MBLAC2: variants seen among roughly 807,000 people sequenced by gnomAD.
MBLAC2 encodes acyl-coenzyme A thioesterase MBLAC2.
MBLAC2 carries 24 observed loss-of-function variants against 23.3 expected under a neutral mutation model. That is an observed-to-expected ratio of 1.03 (90% CI 0.75 to 1.45). MBLAC2 has a LOEUF of 1.45. MBLAC2 is among the 40% of genes most tolerant of loss of function. MBLAC2 has a pLI of 0.00. For synonymous variants in MBLAC2, 162 were observed against 150.9 expected (o/e 1.07, Z -0.54); for missense variants, 358 against 370.0 (o/e 0.97, Z 0.27).
rs373507317 is a variant in MBLAC2 at position 90,474,069 on chromosome 5, C to T, written c.224G>A (p.Arg75Gln). 1.3e-6 allele frequency: 2 copies of T among 1,576,338 alleles called. No homozygotes were observed. The highest frequency in any genetic ancestry group is 1.7e-6 in the Non-Finnish European group (2 of 1,161,502). ...DREAKEDAAR[R>Q]PLLAVATHVH... ...GTGGGTGGCCACGGCAAGCAGTGGC[C>T]GGCGCGCCGCGTCCTCTTTGGCCTC... The change falls in exon 1 of 2, where the codon CGG (arginine) becomes CAG (glutamine). Residue 75 changes from arginine (R) to glutamine (Q), a missense_variant. Arg to Gln is a conservative substitution (Grantham distance 43, BLOSUM62 1). Coordinates refer to ENST00000316610, the MANE Select transcript of MBLAC2 (RefSeq NM_203406.2).
At chr5:90,467,297 T>C (rs1050291535) in intron 1 of MBLAC2, among the ~76,000 whole-genome samples, 1 of 152,216 alleles carries the variant, frequency 6.6e-6, no homozygotes, top group Non-Finnish European at 1.5e-5. Context: ...AGTCCCCCAG[T>C]ATTATTGTGT....
chr5:90,461,499 G>A lies in MBLAC2; in HGVS notation c.508C>T (p.His170Tyr). 6.2e-7 allele frequency: 1 copy of A among 1,613,962 alleles called. No homozygotes were observed. The highest frequency in any genetic ancestry group is 1.1e-5 in the South Asian group (1 of 91,030). Residue 170 changes from histidine to tyrosine, a missense_variant, in exon 2 of 2, where the codon CAC becomes TAC. Transcript: ENST00000316610. The stretch of plus-strand genomic sequence containing the variant: ...TGTAAGCAAATACTGCCCCTGGAGT[G>A]ACCTGGCATGTGCATAACAGTGAGC... The part of the protein sequence containing the change: ...RQLTVMHMPG[H>Y]SRGSICLHDK...
chr5:90,469,055 C>G (rs1330247547), intron 1 of MBLAC2, among the ~76,000 whole-genome samples: 2 of 152,016 alleles, frequency 1.3e-5, no homozygotes, highest in Non-Finnish European at 2.9e-5. Context: ...AACCCAAACC[C>G]AGGAGAAAAA....
rs1465046969 is a variant in MBLAC2 at position 90,474,419 on chromosome 5, G to C, written c.-127C>G. The C allele has an allele frequency of 3.5e-6, 3 of 848,940 alleles. No homozygotes were observed. The Admixed American group carries it at 7.8e-5, about 22-fold the overall frequency. 52.6% of individuals were successfully genotyped at this position (848,940 alleles called of 1,614,324 possible). On this transcript the variant is annotated 5_prime_UTR_variant, in exon 1 of 2. Transcript: ENST00000316610. ...CAGCCAGGGAGGAGGCGTAGAGCGA[G>C]GCGGGGGCGTGGGATGCGGGGGTCG... is the stretch of plus-strand genomic sequence containing the variant.
chr5:90,462,051 G>T (rs1474932581), intron 1 of MBLAC2, among the ~76,000 whole-genome samples: 2 of 152,112 alleles, frequency 1.3e-5, no homozygotes, highest in Admixed American at 1.3e-4. Context: ...GAATTTTATT[G>T]TATTTTGCCT....
At position 90,458,644 on chromosome 5, in the gene MBLAC2, A is replaced by T. The variant is rs985432418; in HGVS notation, c.*2523T>A. On this transcript the variant is annotated 3_prime_UTR_variant, in exon 2 of 2. Coordinates refer to ENST00000316610, the MANE Select transcript of MBLAC2 (RefSeq NM_203406.2). ...ACACGGCATCTTGGAAAGTAAAAAT[A>T]CATCTTGCCAATTTTCTGCTATTGT... 2.0e-5 allele frequency: 3 copies of T among 152,194 alleles called. No individual in the cohort carries two copies. Among genetic ancestry groups the T allele is most frequent in the African/African-American group, 7.2e-5 (3 of 41,464 alleles). 9.4% of individuals were successfully genotyped at this position (152,194 alleles called of 1,614,324 possible).
At chr5:90,467,421 T>G (rs1440078696) in intron 1 of MBLAC2, among the ~76,000 whole-genome samples, 1 of 152,206 alleles carries the variant, frequency 6.6e-6, no homozygotes, top group Non-Finnish European at 1.5e-5. Flanking sequence ...GACTAGTCCT[T>G]TTATCACTAT....
Position 90,474,064 on chromosome 5 carries a change from G to C in MBLAC2, c.229C>G (p.Leu77Val), listed in dbSNP as rs529955899. 4 of 1,580,452 alleles carry C rather than the reference G, an allele frequency of 2.5e-6. No homozygotes were observed. Among genetic ancestry groups the C allele is most frequent in the Non-Finnish European group, 3.4e-6 (4 of 1,163,912 alleles). The change falls in exon 1 of 2, where the codon CTG becomes GTG. Residue 77 changes from leucine (L) to valine (V), a missense_variant. Physicochemically the swap from Leu to Val is conservative, Grantham distance 32. Coordinates refer to ENST00000316610, the MANE Select transcript of MBLAC2 (RefSeq NM_203406.2). The stretch of plus-strand genomic sequence containing the variant: ...TGCACGTGGGTGGCCACGGCAAGCA[G>C]TGGCCGGCGCGCCGCGTCCTCTTTG... The part of the protein sequence containing the change: ...EAKEDAARRP[L>V]LAVATHVHFD...
At chr5:90,470,955 A>G (rs1344714353) in intron 1 of MBLAC2, among the ~76,000 whole-genome samples, 2 of 152,164 alleles carry the variant, frequency 1.3e-5, no homozygotes, top group African/African-American at 4.8e-5. Flanking sequence ...TTTTCAAGAA[A>G]TTCTGCTTAC....
intron 1 of MBLAC2, among the ~76,000 whole-genome samples, chr5:90,468,262 T>C (rs1046726290): frequency 6.6e-6 from 1 of 152,206 alleles, no homozygotes; most frequent in African/African-American, 2.4e-5. Context: ...GGGTAAGTTT[T>C]CCTCGATTAT....
chr5:90,467,723 T>G (rs1382571715), intron 1 of MBLAC2, among the ~76,000 whole-genome samples: 1 of 140,874 alleles, frequency 7.1e-6, no homozygotes, highest in African/African-American at 2.7e-5. Flanking sequence ...ACGCTATTTG[T>G]TGCCTGAATA....
In MBLAC2 at chr5:90,461,413, G is replaced by T; in HGVS notation, c.594C>A (p.Asp198Glu). Reference protein sequence around the residue: ...GDVVYDGSLIDWLPYSRISDY... With the variant: ...GDVVYDGSLIEWLPYSRISDY... Reference sequence around the variant, plus strand: ...CACTTATCCTGCTGTATGGGAGCCAGTCAATCAGTGATCCATCATACACGA... The same window carrying T: ...CACTTATCCTGCTGTATGGGAGCCATTCAATCAGTGATCCATCATACACGA... Residue 198 changes from aspartate (D) to glutamate (E), a missense_variant, in exon 2 of 2, where the codon GAC (aspartate) becomes GAA (glutamate). Coordinates refer to ENST00000316610, the MANE Select transcript of MBLAC2 (RefSeq NM_203406.2). 6.2e-7 allele frequency: 1 copy of T among 1,614,134 alleles called. No individual in the cohort carries two copies. Among genetic ancestry groups the T allele is most frequent in the Non-Finnish European group, 8.5e-7 (1 of 1,180,008 alleles).
In MBLAC2 at chr5:90,460,789, A is replaced by C. The variant is rs918878232; in HGVS notation, c.*378T>G. ...TAATACACTAAAAATATCAAGTTTA[A>C]AGTATAAACATAATACTCTACATGC... On this transcript the variant is annotated 3_prime_UTR_variant, in exon 2 of 2. Coordinates refer to ENST00000316610, the MANE Select transcript of MBLAC2 (RefSeq NM_203406.2). 6.3e-6 allele frequency: 1 copy of C among 158,176 alleles called. No homozygotes were observed. Among genetic ancestry groups the C allele is most frequent in the Non-Finnish European group, 1.4e-5 (1 of 72,126 alleles). The allele number at this position is 158,176 out of a possible 1,614,324, so 9.8% of individuals were successfully genotyped here.
chr5:90,473,832 C>T lies in MBLAC2; in HGVS notation c.454+7G>A, dbSNP rs927185943. The T allele has an allele frequency of 3.8e-6, 6 of 1,570,378 alleles. No homozygotes were observed. In the African/African-American group the frequency reaches 8.1e-5, roughly 21 times the overall value. On this transcript the variant is annotated splice_region_variant and intron_variant, in intron 1 of 1. Coordinates refer to ENST00000316610, the MANE Select transcript of MBLAC2 (RefSeq NM_203406.2). ...AACGAGAGCGCGCGCCCGCGGGGGC[C>T]CATTACCATCCTGCAGGATGAGGGT...
At position 90,474,325 on chromosome 5, in the gene MBLAC2, G is replaced by A; in HGVS notation, c.-33C>T. 1.3e-6 allele frequency: 2 copies of A among 1,595,022 alleles called. No individual in the cohort carries two copies. Among genetic ancestry groups the A allele is most frequent in the Non-Finnish European group, 1.7e-6 (2 of 1,166,802 alleles). ...AGGGGTGCAGCCAGGCGGGGTGAGT[G>A]TGGGCGTGCGAGTCTCCCACAGGCT... On this transcript the variant is annotated 5_prime_UTR_variant, in exon 1 of 2. Transcript: ENST00000316610.
rs771647364 is a variant in MBLAC2 at position 90,474,310 on chromosome 5, C to G, written c.-18G>C. On this transcript the variant is annotated 5_prime_UTR_variant, in exon 1 of 2. Transcript: ENST00000316610. ...GCCGACATGCTGGGCAGGGGTGCAG[C>G]CAGGCGGGGTGAGTGTGGGCGTGCG... The G allele has an allele frequency of 6.2e-7, 1 of 1,609,422 alleles. No homozygotes were observed. Among genetic ancestry groups the G allele is most frequent in the Non-Finnish European group, 8.5e-7 (1 of 1,177,884 alleles).
chr5:90,461,392 T>C lies in MBLAC2; in HGVS notation c.615A>G (p.Ile205Met), dbSNP rs1294586409. Residue 205 changes from isoleucine to methionine, a missense_variant, in exon 2 of 2, where the codon ATA becomes ATG. Ile to Met is a conservative substitution (Grantham distance 10). Transcript: ENST00000316610. ...GTTCACAAGTTCCAACATAGTCACT[T>C]ATCCTGCTGTATGGGAGCCAGTCAA... ...SLIDWLPYSR[I>M]SDYVGTCERL... The C allele has an allele frequency of 4.3e-6, 7 of 1,614,186 alleles. No homozygotes were observed. The highest frequency in any genetic ancestry group is 1.7e-5 in the Admixed American group (1 of 60,024).
intron 1 of MBLAC2, among the ~76,000 whole-genome samples, chr5:90,462,662 C>T (rs1300317305): frequency 6.6e-6 from 1 of 152,050 alleles, no homozygotes; most frequent in African/African-American, 2.4e-5. Context: ...TGAGAATGTA[C>T]ATTAAATCAA....
rs562266499 is a variant in MBLAC2 at position 90,462,738 on chromosome 5, AAAAC to A, written c.455-1190_455-1187del. 1.4e-4 allele frequency among the ~76,000 whole-genome samples: 21 copies of A among 152,326 alleles called. No individual in the cohort carries two copies. In the East Asian group the frequency reaches 2.3e-3, roughly 17 times the overall value. ...AACATCACCAAAAATACATGAAGCA[AAAAC>A]AAACAAACAATAAACAATTCAACAA... On this transcript the variant is annotated intron_variant, in intron 1 of 1. Transcript: ENST00000316610.
Sources: gnomAD v4.1 joint callset for allele counts (sites outside exome capture counted in the v4.1 genomes callset) on GRCh38, gnomAD v4.1.1 for gene constraint, MANE v1.5 for transcripts, NCBI Gene and HGNC (gene_info 2026-07-23, HGNC 2026-07-21) for gene names.